The following RAP1A variants were observed in gnomAD, a reference collection of about 807,000 sequenced individuals.
The protein encoded by RAP1A is ras-related protein Rap-1A.
In RAP1A, 6 loss-of-function variants were observed where a neutral mutation model predicts 26.4. The observed-to-expected ratio is 0.23, with a 90% confidence interval of 0.12 to 0.45. RAP1A has a LOEUF of 0.45. RAP1A is among the 20% of genes least tolerant of loss of function. RAP1A has a pLI of 0.99. For synonymous variants in RAP1A, 73 were observed against 79.4 expected (o/e 0.92, Z 0.43); for missense variants, 121 against 217.2 (o/e 0.56, Z 2.78).
intron 1 of RAP1A, among the ~76,000 whole-genome samples, chr1:111,558,751 A>G (rs1177617795): frequency 6.6e-6 from 1 of 152,206 alleles, no homozygotes; most frequent in African/African-American, 2.4e-5. Context: ...TAAACTATGT[A>G]AAGTAAAAAA....
chr1:111,575,349 C>T (rs752729108), intron 1 of RAP1A, among the ~76,000 whole-genome samples: 9 of 152,106 alleles, frequency 5.9e-5, no homozygotes, highest in Admixed American at 1.3e-4. Context: ...AGACGGGTTT[C>T]GCCATGTTGG....
intron 1 of RAP1A, among the ~76,000 whole-genome samples, chr1:111,576,617 C>A (rs1188409856): frequency 6.6e-6 from 1 of 152,174 alleles, no homozygotes; most frequent in Non-Finnish European, 1.5e-5. Flanking sequence ...ACAGGGGCGG[C>A]ATTTGCTGCT....
In RAP1A at chr1:111,547,352, AT is replaced by A. The variant is rs746696530; in HGVS notation, c.-28+4850del. Reference sequence around the variant, plus strand: ...TTTTTCTGTATCTATTGAGATGATGATTTTTTTCCCTTTATCCTATTAATAT... The same window carrying A: ...TTTTTCTGTATCTATTGAGATGATGATTTTTTCCCTTTATCCTATTAATAT... On this transcript the variant is annotated intron_variant, in intron 1 of 7. Coordinates refer to the RAP1A transcript ENST00000356415. 4.0e-5 allele frequency among the ~76,000 whole-genome samples: 6 copies of A among 151,836 alleles called. 1 individual carries two copies. Among genetic ancestry groups the A allele is most frequent in the South Asian group, 4.2e-4 (2 of 4,816 alleles).
chr1:111,697,642 A>G (rs994593022), intron 4 of RAP1A, 145 bp downstream of exon 4: 45 of 1,441,050 alleles, frequency 3.1e-5, no homozygotes, highest in Non-Finnish European at 2.0e-5. Context: ...ATTCTTAAGT[A>G]TATGAAATCA....
At chr1:111,607,012 T>C (rs936794616) in intron 1 of RAP1A, among the ~76,000 whole-genome samples, 1 of 141,312 alleles carries the variant, frequency 7.1e-6, no homozygotes, top group Non-Finnish European at 1.5e-5. Context: ...CTTTTATTTA[T>C]TTATTTATTT....
chr1:111,615,351 A>C (rs1295901174), upstream of RAP1A, among the ~76,000 whole-genome samples: 1 of 151,708 alleles, frequency 6.6e-6, no homozygotes, highest in Non-Finnish European at 1.5e-5. Flanking sequence ...ACCAAACAGG[A>C]GATCACAGCA....
At chr1:111,665,235 G>A (rs1326521155) in intron 1 of RAP1A, among the ~76,000 whole-genome samples, 1 of 152,092 alleles carries the variant, frequency 6.6e-6, no homozygotes, top group Non-Finnish European at 1.5e-5. Flanking sequence ...CAGAAACTTA[G>A]TTATAATTAT....
chr1:111,666,462 T>G (rs1223353411), intron 1 of RAP1A, among the ~76,000 whole-genome samples: 1 of 152,168 alleles, frequency 6.6e-6, no homozygotes, highest in Non-Finnish European at 1.5e-5. Context: ...AGAATTAGAT[T>G]AAAAACTCCT....
chr1:111,680,559 A>G (rs1661259744), intron 1 of RAP1A: 1 of 152,484 alleles, frequency 6.6e-6, no homozygotes, highest in Non-Finnish European at 1.5e-5. Flanking sequence ...CCAAGTCCCC[A>G]CTCGACCCAG....
chr1:111,619,710 T>A (rs371678874), upstream of RAP1A: 85 of 392,800 alleles, frequency 2.2e-4, no homozygotes, highest in South Asian at 5.5e-3. Flanking sequence ...AGCCCAGCCA[T>A]CGCCAACTTG....
At chr1:111,629,908 A>G (rs999792060) in intron 1 of RAP1A, among the ~76,000 whole-genome samples, 2 of 152,202 alleles carry the variant, frequency 1.3e-5, no homozygotes, top group Admixed American at 1.3e-4. Context: ...CTGTTTGTCC[A>G]GCAGAATCTG....
chr1:111,542,094 T>G, upstream of RAP1A: 2 of 212,984 alleles, frequency 9.4e-6, no homozygotes, highest in East Asian at 2.6e-4. Flanking sequence ...GCTTTTTTTT[T>G]TTTTTTGAAG....
chr1:111,596,020 G>A (rs1417324696), intron 1 of RAP1A, among the ~76,000 whole-genome samples: 2 of 152,182 alleles, frequency 1.3e-5, no homozygotes, highest in African/African-American at 4.8e-5. Context: ...ATAAATGTTT[G>A]AGCCAACATT....
intron 1 of RAP1A, among the ~76,000 whole-genome samples, chr1:111,629,729 G>A (rs1049400392): frequency 6.6e-6 from 1 of 152,158 alleles, no homozygotes; most frequent in Non-Finnish European, 1.5e-5. Flanking sequence ...GTGTGCGTGT[G>A]ACTTTTTTTT....
intron 1 of RAP1A, among the ~76,000 whole-genome samples, chr1:111,678,583 C>T (rs1661198804): frequency 6.6e-6 from 1 of 152,064 alleles, no homozygotes. Flanking sequence ...AGGCTACAAA[C>T]CTGTACATCA....
intron 1 of RAP1A, among the ~76,000 whole-genome samples, chr1:111,569,029 CT>C (rs1238779631): frequency 1.3e-5 from 2 of 151,914 alleles, no homozygotes; most frequent in African/African-American, 4.8e-5. Flanking sequence ...ATATTATTGA[CT>C]GTTTATGTTG....
intron 1 of RAP1A, chr1:111,608,228 G>C (rs376994913): frequency 6.3e-6 from 1 of 159,466 alleles, no homozygotes; most frequent in African/African-American, 2.4e-5. Context: ...AGACGGGGTC[G>C]CGGCCGGGTA....
intron 1 of RAP1A, among the ~76,000 whole-genome samples, chr1:111,560,777 C>T (rs1252453147): frequency 5.3e-5 from 8 of 152,192 alleles, no homozygotes; most frequent in Non-Finnish European, 8.8e-5. Flanking sequence ...CAGGCACACA[C>T]CACAGCACCT....
At chr1:111,566,142 G>A (rs1657913375) in intron 1 of RAP1A, among the ~76,000 whole-genome samples, 1 of 152,154 alleles carries the variant, frequency 6.6e-6, no homozygotes, top group African/African-American at 2.4e-5. Flanking sequence ...ATAACAGGGA[G>A]CTACCGAGGG....
Sources: allele counts gnomAD v4.1 joint callset (sites outside exome capture counted in the v4.1 genomes callset), GRCh38; gene constraint gnomAD v4.1.1; transcripts MANE v1.5; gene names NCBI Gene and HGNC (gene_info 2026-07-23, HGNC 2026-07-21).